Variants in SPATA18 observed in about 807,000 individuals in gnomAD.
The protein encoded by SPATA18 is mitochondria-eating protein.
SPATA18 carries 54 observed loss-of-function variants against 68.1 expected under a neutral mutation model. The ratio of observed to expected loss-of-function variants is 0.79; its 90% confidence interval spans 0.64 to 0.99. The LOEUF (loss-of-function observed/expected upper bound fraction) is 0.99, where lower values mean the gene tolerates loss of function less well. Among genes scored for constraint, SPATA18 ranks in the 50% least tolerant of loss-of-function variants. The probability of loss-of-function intolerance (pLI) is 0.00; values close to 1 mark genes in which losing one functional copy is unlikely to be tolerated. For missense variants in SPATA18, 724 were observed against 681.1 expected (o/e 1.06, Z -0.70); for synonymous variants, 242 against 244.8 (o/e 0.99, Z 0.11).
chr4:52,093,027 A>C (rs921806077), intron 11 of SPATA18, among the ~76,000 whole-genome samples: 1 of 152,166 alleles, frequency 6.6e-6, no homozygotes, highest in Non-Finnish European at 1.5e-5. Context: ...GATCGGGAAA[A>C]ATAACTAATT....
chr4:52,060,518 C>T lies in SPATA18; in HGVS notation c.187C>T (p.Gln63Ter), dbSNP rs1738739743. Residue 63 changes from glutamine (Q) to a stop codon, truncating the protein, a stop_gained, in exon 2 of 13, where the codon CAA becomes TAA. Transcript: ENST00000295213. LOFTEE classifies it high-confidence loss of function. ...QLFGILTAAAQEGGRNDGVET... is the reference protein window; with the variant it reads ...QLFGILTAAA The stretch of plus-strand genomic sequence containing the variant: ...CTTTGGGATCCTCACAGCAGCAGCC[C>T]AAGAAGGTGAGAATGGCCTGTAATT... 1 of 1,613,754 alleles carries T rather than the reference C, an allele frequency of 6.2e-7. No homozygotes were observed. The highest frequency in any genetic ancestry group is 8.5e-7 in the Non-Finnish European group (1 of 1,179,754).
chr4:52,086,979 C>A (rs1447707873), intron 11 of SPATA18, among the ~76,000 whole-genome samples: 1 of 152,114 alleles, frequency 6.6e-6, no homozygotes, highest in Non-Finnish European at 1.5e-5. Flanking sequence ...GAGATGGTAT[C>A]TCATTGTGGT....
chr4:52,088,720 CA>C (rs1741666330), intron 11 of SPATA18, among the ~76,000 whole-genome samples: 1 of 152,166 alleles, frequency 6.6e-6, no homozygotes, highest in African/African-American at 2.4e-5. Flanking sequence ...CGATGTTCAT[CA>C]GGGATATTGG....
At chr4:52,092,811 A>AAT (rs1409976393) in intron 11 of SPATA18, among the ~76,000 whole-genome samples, 1 of 152,212 alleles carries the variant, frequency 6.6e-6, no homozygotes, top group Non-Finnish European at 1.5e-5. Context: ...AATAGGTCTT[A>AAT]ATATAGGAAG....
At position 52,095,284 on chromosome 4, in the gene SPATA18, C is replaced by T. The variant is rs1381078228; in HGVS notation, c.*397C>T. The T allele has an allele frequency of 4.9e-6, 1 of 205,782 alleles. No homozygotes were observed. Among genetic ancestry groups the T allele is most frequent in the Admixed American group, 5.5e-5 (1 of 18,314 alleles). The allele number at this position is 205,782 out of a possible 1,614,324, so 12.7% of individuals were successfully genotyped here. ...AGAAAAGATGAATCATTTTAGTTTG[C>T]AGATGGATCGTAAATATAATTGTTG... On this transcript the variant is annotated 3_prime_UTR_variant, in exon 13 of 13. Transcript: ENST00000295213.
chr4:52,091,093 C>T (rs1015849908), intron 11 of SPATA18, among the ~76,000 whole-genome samples: 1 of 151,812 alleles, frequency 6.6e-6, no homozygotes, highest in Non-Finnish European at 1.5e-5. Context: ...GCTATTGATA[C>T]TTGTGTATTC....
Position 52,076,926 on chromosome 4 carries a change from C to G in SPATA18, c.906C>G (p.Leu302=). The change falls in exon 7 of 13, where the codon CTC becomes CTG. Residue 302 remains leucine, a synonymous_variant. Coordinates refer to ENST00000295213, the MANE Select transcript of SPATA18 (RefSeq NM_145263.4). ...KLSNVARKAA[L]LSRFSDSYSQ... Reference sequence around the variant, plus strand: ...CCAATGTGGCGCGCAAGGCTGCCCTCTTGTCCCGGTTCAGCGATTCCTATT... The same window carrying G: ...CCAATGTGGCGCGCAAGGCTGCCCTGTTGTCCCGGTTCAGCGATTCCTATT... The G allele has an allele frequency of 6.2e-7, 1 of 1,614,216 alleles. No individual in the cohort carries two copies. The highest frequency in any genetic ancestry group is 1.1e-5 in the South Asian group (1 of 91,084).
chr4:52,083,474 G>T, intron 10 of SPATA18: 1 of 985,406 alleles, frequency 1.0e-6, no homozygotes, highest in Non-Finnish European at 1.2e-6. Flanking sequence ...CCTTAGCTGG[G>T]CATGGTGGCC....
chr4:52,060,404 G>A lies in SPATA18; in HGVS notation c.88-15G>A. ...GAAGTAATTACCCTGGTTATCTACTGTTTTGCCCTTGCAGACAAACACGTG... is the reference window on the plus strand; with the variant it reads ...GAAGTAATTACCCTGGTTATCTACTATTTTGCCCTTGCAGACAAACACGTG... On this transcript the variant is annotated splice_polypyrimidine_tract_variant and intron_variant, in intron 1 of 12. Coordinates refer to ENST00000295213, the MANE Select transcript of SPATA18 (RefSeq NM_145263.4). 3.7e-6 allele frequency: 6 copies of A among 1,611,002 alleles called. No homozygotes were observed. The highest frequency in any genetic ancestry group is 5.1e-6 in the Non-Finnish European group (6 of 1,177,554).
chr4:52,068,953 T>A (rs1739564176), intron 4 of SPATA18, among the ~76,000 whole-genome samples: 1 of 152,068 alleles, frequency 6.6e-6, no homozygotes, highest in African/African-American at 2.4e-5. Context: ...AGCTTCAAAC[T>A]CCTAGTCTGA....
intron 1 of SPATA18, among the ~76,000 whole-genome samples, chr4:52,055,397 A>C (rs1021337307): frequency 2.6e-5 from 4 of 152,146 alleles, no homozygotes; most frequent in Admixed American, 1.3e-4. Context: ...AGTGATTCTC[A>C]ACACAGGCAA....
At chr4:52,052,768 C>T (rs1357250879) in intron 1 of SPATA18, among the ~76,000 whole-genome samples, 2 of 152,206 alleles carry the variant, frequency 1.3e-5, no homozygotes, top group Non-Finnish European at 2.9e-5. Context: ...GTTTTTGAGC[C>T]TAGATTAGCT....
rs79258516 is a variant in SPATA18, at chr4:52,072,079, C to G, written c.681C>G (p.Ser227=). Residue 227 remains serine, a synonymous_variant, in exon 6 of 13, where the codon TCC becomes TCG. Coordinates refer to ENST00000295213, the MANE Select transcript of SPATA18 (RefSeq NM_145263.4). ...NADQQDTEAM[S]DYKKQLRNLK... is the part of the protein sequence containing the mutation. ...ACCAGCAGGACACAGAAGCCATGTC[C>G]GATTATAAGAAACAGCTCCGAAACC... 6.2e-7 allele frequency: 1 copy of G among 1,613,810 alleles called. No homozygotes were observed. Among genetic ancestry groups the G allele is most frequent in the Non-Finnish European group, 8.5e-7 (1 of 1,179,980 alleles).
chr4:52,080,128 G>C (rs984140000), intron 9 of SPATA18, among the ~76,000 whole-genome samples: 1 of 152,148 alleles, frequency 6.6e-6, no homozygotes. Context: ...CTTTGGGAGA[G>C]AACTAATGAG....
Position 52,078,760 on chromosome 4 carries a change from C to T in SPATA18, c.1046C>T (p.Ala349Val). 6.3e-7 allele frequency: 1 copy of T among 1,589,810 alleles called. No individual in the cohort carries two copies. The highest frequency in any genetic ancestry group is 1.3e-5 in the African/African-American group (1 of 74,738). Residue 349 changes from alanine to valine, a missense_variant, in exon 8 of 13, where the codon GCA becomes GTA. Ala to Val is a moderately conservative substitution (Grantham distance 64). Coordinates refer to ENST00000295213, the MANE Select transcript of SPATA18 (RefSeq NM_145263.4). Reference protein sequence around the residue: ...TVEAFHVAKMAFRHFKIHVRK... With the variant: ...TVEAFHVAKMVFRHFKIHVRK... ...GAGGCATTCCATGTAGCAAAAATGG[C>T]ATTCAGACACTTCAAGATCCATGTG... is the stretch of plus-strand genomic sequence containing the variant.
intron 9 of SPATA18, among the ~76,000 whole-genome samples, chr4:52,082,181 G>A (rs1240596646): frequency 5.1e-5 from 3 of 59,064 alleles, no homozygotes; most frequent in Non-Finnish European, 1.5e-4. Context: ...AGTTTGACAC[G>A]ATTTGGTCTT....
intron 5 of SPATA18, among the ~76,000 whole-genome samples, chr4:52,071,355 A>G (rs1739825192): frequency 6.6e-6 from 1 of 152,148 alleles, no homozygotes; most frequent in Admixed American, 6.5e-5. Context: ...TTTGTTTGCT[A>G]CATTATTTTC....
intron 4 of SPATA18, 25 bp from the exon 5 acceptor site, chr4:52,069,796 C>G: frequency 6.6e-7 from 1 of 1,511,628 alleles, no homozygotes; most frequent in Non-Finnish European, 8.9e-7. Context: ...AAAAATCTAT[C>G]TTTAGTTACT....
chr4:52,055,195 C>T (rs182172727), intron 1 of SPATA18, among the ~76,000 whole-genome samples: 1 of 152,146 alleles, frequency 6.6e-6, no homozygotes, highest in South Asian at 2.1e-4. Context: ...ATATTTTATT[C>T]TTTTCTATTA....
Sources: gnomAD v4.1 joint callset for allele counts (sites outside exome capture counted in the v4.1 genomes callset) on GRCh38, gnomAD v4.1.1 for gene constraint, MANE v1.5 for transcripts, NCBI Gene and HGNC (gene_info 2026-07-23, HGNC 2026-07-21) for gene names.